COA8: variants seen among roughly 807,000 people sequenced by gnomAD.
The protein encoded by COA8 is UPF0671 protein C14orf153.
A neutral mutation model predicts 22.0 loss-of-function variants in COA8; 20 were observed. That is an observed-to-expected ratio of 0.91 (90% confidence interval 0.64 to 1.32). The LOEUF (loss-of-function observed/expected upper bound fraction) is 1.32, where lower values mean the gene tolerates loss of function less well. COA8 is among the 40% of genes most tolerant of loss of function. COA8 has a pLI of 0.00. For missense variants in COA8, 266 were observed against 230.0 expected, an observed-to-expected ratio of 1.16 and a Z score of -1.01; for synonymous variants, 105 against 79.9, an observed-to-expected ratio of 1.31 and a Z score of -1.68.
chr14:103,563,080 G>A lies in COA8; in HGVS notation c.79G>A (p.Ala27Thr). The change falls in exon 1 of 5, where the codon GCT becomes ACT. Residue 27 changes from alanine (A) to threonine (T), a missense_variant. Physicochemically the swap from Ala to Thr is moderately conservative, Grantham distance 58. Coordinates refer to ENST00000409074, the MANE Select transcript of COA8 (RefSeq NM_001370595.2). ...CTTCGCCTGCCGCGGCTGTCAACTC[G>A]CTCCGGAGCGCGGCGCCGAGCGCAG... ...RAFACRGCQL[A>T]PERGAERRDT... 6.5e-7 allele frequency: 1 copy of A among 1,540,304 alleles called. No individual in the cohort carries two copies. Among genetic ancestry groups the A allele is most frequent in the Non-Finnish European group, 8.7e-7 (1 of 1,148,072 alleles).
intron 2 of COA8, 145 bp from the exon 3 acceptor site, chr14:103,573,962 G>T: frequency 1.9e-6 from 2 of 1,067,562 alleles, no homozygotes; most frequent in Non-Finnish European, 1.3e-6. Flanking sequence ...TTTTAAACGA[G>T]CTTTGAGATG....
intron 3 of COA8, among the ~76,000 whole-genome samples, chr14:103,576,135 G>A (rs1189237396): frequency 1.1e-4 from 16 of 152,096 alleles, no homozygotes; most frequent in African/African-American, 3.1e-4. Context: ...GTGAAACCCC[G>A]TCTCTACTAA....
In COA8 at chr14:103,571,689, A is replaced by G. The variant is rs2076186441; in HGVS notation, c.190A>G (p.Asn64Asp). Residue 64 changes from asparagine (N) to aspartate (D), a missense_variant, in exon 2 of 5, where the codon AAC (asparagine) becomes GAC (aspartate). Physicochemically the swap from Asn to Asp is conservative, Grantham distance 23. Coordinates refer to ENST00000409074, the MANE Select transcript of COA8 (RefSeq NM_001370595.2). ...DWIGPPDKYS[N>D]LRPVHFYIPE... The stretch of plus-strand genomic sequence containing the variant: ...GATAGGACCCCCAGATAAATATTCA[A>G]ACCTTCGACCTGTTCACTTTTACAT... 2 of 1,614,092 alleles carry G rather than the reference A, an allele frequency of 1.2e-6. No individual in the cohort carries two copies. The highest frequency in any genetic ancestry group is 2.7e-5 in the African/African-American group (2 of 74,924).
chr14:103,565,468 GT>G (rs2076129053), intron 1 of COA8, among the ~76,000 whole-genome samples: 1 of 151,776 alleles, frequency 6.6e-6, no homozygotes, highest in African/African-American at 2.4e-5. Context: ...TCCTAAACTT[GT>G]TTGCACGTAA....
At position 103,563,276 on chromosome 14, in the gene COA8, G is replaced by A. The variant is rs138961263; in HGVS notation, c.123+152G>A. On this transcript the variant is annotated intron_variant, in intron 1 of 4. Transcript: ENST00000409074. ...ATCCCGAACAGTCCCGCAGCCCCGA[G>A]GCTCCCGCATCAACGCCCTCAGTCG... 46 of 1,067,178 alleles carry A rather than the reference G, an allele frequency of 4.3e-5. No homozygotes were observed. The East Asian group carries it at 1.1e-3, about 26-fold the overall frequency. 66.1% of individuals were successfully genotyped at this position (1,067,178 alleles called of 1,614,324 possible).
chr14:103,568,462 T>A (rs553934076), intron 1 of COA8, among the ~76,000 whole-genome samples: 3 of 151,280 alleles, frequency 2.0e-5, no homozygotes, highest in Non-Finnish European at 4.4e-5. Context: ...CATACATACA[T>A]ACATACACAC....
intron 1 of COA8, among the ~76,000 whole-genome samples, chr14:103,564,197 C>G (rs2076116645): frequency 6.6e-6 from 1 of 151,958 alleles, no homozygotes; most frequent in African/African-American, 2.4e-5. Flanking sequence ...CTTGCTTGTA[C>G]ATTTTCATTT....
At chr14:103,589,212 T>C (rs2076332746) in intron 4 of COA8, among the ~76,000 whole-genome samples, 1 of 152,176 alleles carries the variant, frequency 6.6e-6, no homozygotes, top group Admixed American at 6.6e-5. Context: ...GTCGTCTGTA[T>C]TAGTGAAATG....
intron 1 of COA8, 124 bp from the exon 2 acceptor site, chr14:103,571,499 C>A: frequency 1.0e-6 from 1 of 973,912 alleles, no homozygotes; most frequent in Non-Finnish European, 1.5e-6. Flanking sequence ...GATCACGCCA[C>A]TACACTCCAG....
At chr14:103,580,790 G>T (rs1280249999) in intron 3 of COA8, among the ~76,000 whole-genome samples, 2 of 148,928 alleles carry the variant, frequency 1.3e-5, no homozygotes, top group South Asian at 2.1e-4. Flanking sequence ...ACTATCCTTG[G>T]CCTGTTGTTT....
rs2076316677 is a variant in COA8, at chr14:103,587,476, A to G, written c.476+112A>G. ...TGTTTATATCAGAGGTAGAAGTTGCAAGACTTTATCAACTTTTTTTTTTCT... is the reference window on the plus strand; with the variant it reads ...TGTTTATATCAGAGGTAGAAGTTGCGAGACTTTATCAACTTTTTTTTTTCT... On this transcript the variant is annotated intron_variant, in intron 4 of 4. Transcript: ENST00000409074. 4 of 587,632 alleles carry G rather than the reference A, an allele frequency of 6.8e-6. No homozygotes were observed. The East Asian group carries it at 9.7e-5, about 14-fold the overall frequency. The allele number at this position is 587,632 out of a possible 1,614,324, so 36.4% of individuals were successfully genotyped here.
At chr14:103,582,465 C>T (rs1009753504) in intron 3 of COA8, among the ~76,000 whole-genome samples, 1 of 152,206 alleles carries the variant, frequency 6.6e-6, no homozygotes, top group Non-Finnish European at 1.5e-5. Flanking sequence ...GTAAACAGCC[C>T]CACCAGCACG....
At chr14:103,574,601 G>A in intron 3 of COA8, 1 of 354,368 alleles carries the variant, frequency 2.8e-6, no homozygotes, top group South Asian at 2.2e-5. Context: ...CCAAAAAGTT[G>A]TTCTGATAGA....
chr14:103,574,310 C>T, intron 3 of COA8, 140 bp downstream of exon 3: 2 of 1,134,528 alleles, frequency 1.8e-6, no homozygotes, highest in Non-Finnish European at 2.6e-6. Flanking sequence ...TCGGCACACC[C>T]CTGTCCAAGT....
intron 4 of COA8, among the ~76,000 whole-genome samples, chr14:103,589,253 C>A (rs914103071): frequency 6.6e-6 from 1 of 152,170 alleles, no homozygotes; most frequent in African/African-American, 2.4e-5. Flanking sequence ...GAACTGTAAT[C>A]CCCATGGGCT....
chr14:103,574,852 G>A, intron 3 of COA8: 1 of 221,910 alleles, frequency 4.5e-6, no homozygotes, highest in Non-Finnish European at 9.1e-6. Context: ...GTAAGCATGA[G>A]AATGAGCACT....
intron 2 of COA8, among the ~76,000 whole-genome samples, chr14:103,572,592 T>TGG (rs1028091816): frequency 3.3e-5 from 5 of 151,750 alleles, no homozygotes; most frequent in African/African-American, 1.2e-4. Flanking sequence ...GAGCCAGGTG[T>TGG]GGTGGCATAT....
Position 103,590,377 on chromosome 14 carries a change from C to G in COA8, c.*91C>G. 1.6e-6 allele frequency: 2 copies of G among 1,248,644 alleles called. No homozygotes were observed. The highest frequency in any genetic ancestry group is 2.2e-4 in the Middle Eastern group (1 of 4,548). 77.3% of individuals were successfully genotyped at this position (1,248,644 alleles called of 1,614,324 possible). On this transcript the variant is annotated 3_prime_UTR_variant, in exon 5 of 5. Transcript: ENST00000409074. ...GGCTCTGAGAAAAACTGGAGCTGAT[C>G]TCAAGAAGCCCCACATCTTCCTAAG...
At position 103,563,028 on chromosome 14, in the gene COA8, G is replaced by A. The variant is rs753916230; in HGVS notation, c.27G>A (p.Lys9=). The change falls in exon 1 of 5, where the codon AAG becomes AAA. Residue 9 remains lysine (K), a synonymous_variant. Coordinates refer to ENST00000409074, the MANE Select transcript of COA8 (RefSeq NM_001370595.2). ...TGGTGGTCTTGCGGGCGGGGAAGAA[G>A]ACCTTTCTCCCCCCTCTCTGCCGCG... The part of the protein sequence containing the change: MVVLRAGK[K]TFLPPLCRAF... 2.3e-5 allele frequency: 35 copies of A among 1,554,142 alleles called. No homozygotes were observed. Among genetic ancestry groups the A allele is most frequent in the Non-Finnish European group, 2.8e-5 (32 of 1,155,808 alleles).
Sources: gnomAD v4.1 joint callset for allele counts (sites outside exome capture counted in the v4.1 genomes callset) on GRCh38, gnomAD v4.1.1 for gene constraint, MANE v1.5 for transcripts, NCBI Gene and HGNC (gene_info 2026-07-23, HGNC 2026-07-21) for gene names.